Variants in PDE4C observed in about 807,000 individuals in gnomAD.
The protein encoded by PDE4C is 3',5'-cyclic-AMP phosphodiesterase 4C.
Under a neutral mutation model 63.9 loss-of-function variants are expected in PDE4C, and 50 were observed. The ratio of observed to expected loss-of-function variants is 0.78; its 90% CI spans 0.62 to 0.99. The LOEUF (loss-of-function observed/expected upper bound fraction) is 0.99, where lower values mean the gene tolerates loss of function less well. PDE4C is among the 50% of genes least tolerant of loss of function. PDE4C has a pLI of 0.00. For missense variants in PDE4C, 777 were observed against 899.1 expected, an observed-to-expected ratio of 0.86 and a Z score of 1.74; for synonymous variants, 377 against 385.1, an observed-to-expected ratio of 0.98 and a Z score of 0.25.
intron 1 of PDE4C, chr19:18,224,467 G>A: frequency 1.0e-6 from 1 of 985,560 alleles, no homozygotes; most frequent in Non-Finnish European, 1.2e-6. Context: ...GTATGACCGG[G>A]TCTGAGTTGG....
At chr19:18,250,219 G>A (rs1328064794), upstream of PDE4C, 2 of 398,772 alleles carry the variant, frequency 5.0e-6, no homozygotes, top group Non-Finnish European at 8.8e-6. Flanking sequence ...ACACCAAAAG[G>A]CTCTGCAGCC....
intron 10 of PDE4C, 40 bp from the exon 11 acceptor site, chr19:18,218,288 T>G: frequency 6.2e-7 from 1 of 1,613,092 alleles, no homozygotes; most frequent in African/African-American, 1.3e-5. Flanking sequence ...GGGCGGGTTC[T>G]CTGGGCCCTG....
At chr19:18,221,066 T>C in intron 4 of PDE4C, 39 bp downstream of exon 4, 1 of 721,628 alleles carries the variant, frequency 1.4e-6, no homozygotes, top group Middle Eastern at 4.4e-4. Context: ...ACCTTGTCTC[T>C]GCCGGCCCCG....
upstream of PDE4C, among the ~76,000 whole-genome samples, chr19:18,230,867 G>A (rs1253176658): frequency 1.3e-5 from 2 of 152,120 alleles, no homozygotes; most frequent in African/African-American, 4.8e-5. Flanking sequence ...CTTATCCATG[G>A]TTGCGTCTCC....
intron 1 of PDE4C, among the ~76,000 whole-genome samples, chr19:18,232,554 A>T (rs1968871467): frequency 6.6e-6 from 1 of 151,814 alleles, no homozygotes; most frequent in African/African-American, 2.4e-5. Context: ...GGACAGTCAC[A>T]CTCAGCCACA....
Position 18,239,801 on chromosome 19 carries a change from G to A in PDE4C, c.-209-6401C>T, listed in dbSNP as rs59327345. 5.7e-3 allele frequency among the ~76,000 whole-genome samples: 862 copies of A among 152,010 alleles called. 6 individuals are homozygous for A. Among genetic ancestry groups the A allele is most frequent in the African/African-American group, 0.019 (806 of 41,454 alleles). The stretch of plus-strand genomic sequence containing the variant: ...AGCACTTTGGGAGGCTGAGGCAGGC[G>A]GATCGCTTAGGGTCAGGAGTTTGAG... On this transcript the variant is annotated intron_variant, in intron 1 of 15. Coordinates refer to the PDE4C transcript ENST00000594617.
At position 18,220,091 on chromosome 19, in the gene PDE4C, A is replaced by C; in HGVS notation, c.706+135T>G. ...TTCCCCTTGTTCCTCCCTCTGATCC[A>C]GCCCTGACTCATGGGGGCTGAAGGT... On this transcript the variant is annotated intron_variant, in intron 7 of 14. Coordinates refer to ENST00000262805, the Ensembl canonical transcript of PDE4C. This position sits in a 1 kb window ranked among gnomAD's most constrained non-coding sequence, Gnocchi z 5.1. The C allele has an allele frequency of 1.4e-6, 1 of 730,352 alleles. No individual in the cohort carries two copies. Among genetic ancestry groups the C allele is most frequent in the Admixed American group, 2.1e-5 (1 of 48,760 alleles). The allele number at this position is 730,352 out of a possible 1,614,324, so 45.2% of individuals were successfully genotyped here.
chr19:18,242,853 G>A (rs978811793), intron 1 of PDE4C, among the ~76,000 whole-genome samples: 4 of 152,160 alleles, frequency 2.6e-5, no homozygotes, highest in African/African-American at 7.2e-5. Flanking sequence ...TTGCTTCAGG[G>A]GCTGGGTGAG....
At chr19:18,209,477 C>A (rs1212839990), downstream of PDE4C, 1 of 151,816 alleles carries the variant, frequency 6.6e-6, no homozygotes, top group Non-Finnish European at 1.5e-5. Context: ...TCTTGAACTC[C>A]TGACCTCGTG....
At chr19:18,239,553 C>T (rs559022713) in intron 1 of PDE4C, among the ~76,000 whole-genome samples, 88 of 152,224 alleles carry the variant, frequency 5.8e-4, no homozygotes, top group African/African-American at 1.8e-3. Context: ...GTGTGCTGTC[C>T]GCGGTGCTGA....
At chr19:18,214,943 C>T (rs145477591) in intron 12 of PDE4C, among the ~76,000 whole-genome samples, 169 of 114,044 alleles carry the variant, frequency 1.5e-3, no homozygotes, top group African/African-American at 5.0e-3. Flanking sequence ...AGCAAGACTC[C>T]ATTTCAAAAA....
chr19:18,230,854 C>T (rs962921282), upstream of PDE4C, among the ~76,000 whole-genome samples: 4 of 152,318 alleles, frequency 2.6e-5, no homozygotes, highest in South Asian at 6.2e-4. Flanking sequence ...GGGGACACAG[C>T]TTCTTATCCA....
Position 18,226,263 on chromosome 19 carries a change from G to T in PDE4C, c.146+7C>A. On this transcript the variant is annotated splice_region_variant and intron_variant, in intron 1 of 14. Transcript: ENST00000262805. Reference sequence around the variant, plus strand: ...GTGACCCCGCCAGGCCCTCTGTCCAGCCTCACCACAGCGGATGGGCCACCG... The same window carrying T: ...GTGACCCCGCCAGGCCCTCTGTCCATCCTCACCACAGCGGATGGGCCACCG... 1.3e-6 allele frequency: 2 copies of T among 1,556,384 alleles called. No homozygotes were observed. Among genetic ancestry groups the T allele is most frequent in the Admixed American group, 1.9e-5 (1 of 52,606 alleles).
chr19:18,213,344 C>T (rs1968046827), intron 13 of PDE4C, 24 bp downstream of exon 13: 4 of 1,601,616 alleles, frequency 2.5e-6, no homozygotes, highest in Non-Finnish European at 3.4e-6. Context: ...AAAAGGAAGC[C>T]CCAGTGCCCA....
chr19:18,224,504 T>C, intron 1 of PDE4C: 1 of 985,494 alleles, frequency 1.0e-6, no homozygotes, highest in Non-Finnish European at 1.2e-6. Flanking sequence ...TTGGACTTGG[T>C]CACGAAGAGT....
intron 12 of PDE4C, among the ~76,000 whole-genome samples, chr19:18,216,051 G>A (rs559614780): frequency 2.0e-5 from 3 of 151,408 alleles, no homozygotes; most frequent in South Asian, 2.1e-4. Context: ...AGCTGGTCTC[G>A]AACTCTTGAC....
upstream of PDE4C, chr19:18,250,452 G>A (rs964825833): frequency 4.3e-5 from 17 of 398,956 alleles, no homozygotes; most frequent in Non-Finnish European, 6.6e-5. Flanking sequence ...TGTAACTCAC[G>A]GGGCCCAGTG....
rs1040919599 is a variant in PDE4C, at chr19:18,212,975, T to C, written c.1512+393A>G. 3.3e-4 allele frequency among the ~76,000 whole-genome samples: 46 copies of C among 140,700 alleles called. No individual in the cohort carries two copies. The South Asian group carries it at 4.2e-3, about 13-fold the overall frequency. The allele number at this position is 140,700 out of a possible 152,430, so 92.3% of individuals were successfully genotyped here. A position where few individuals can be genotyped will look rare whatever the true frequency, so the allele number is the denominator to read the frequency against. On this transcript the variant is annotated intron_variant, in intron 13 of 14. Coordinates refer to ENST00000262805, the Ensembl canonical transcript of PDE4C. ...TGCTGGGATTATAGGCGTGAGCCAC[T>C]GCGCCCGGCTGCTAAAGTTGTTTTT...
upstream of PDE4C, chr19:18,251,958 C>A (rs1390305814): frequency 1.1e-4 from 44 of 397,550 alleles, no homozygotes; most frequent in Middle Eastern, 6.2e-4. Context: ...AGAAGCCCTT[C>A]CTAGAGCATT....
Sources: allele counts gnomAD v4.1 joint callset (sites outside exome capture counted in the v4.1 genomes callset), GRCh38; gene constraint gnomAD v4.1.1; non-coding constraint Gnocchi (gnomAD v3.1); transcripts MANE v1.5; gene names NCBI Gene and HGNC (gene_info 2026-07-23, HGNC 2026-07-21).